SYNPR: variants seen among roughly 807,000 people sequenced by gnomAD.
SYNPR encodes the protein synaptoporin.
In SYNPR, 23 loss-of-function variants were observed where a neutral mutation model predicts 32.9. That is an observed-to-expected ratio of 0.70 (90% CI 0.50 to 0.99). SYNPR has a LOEUF of 0.99. Ranked by LOEUF, SYNPR falls within the 50% of genes least tolerant of loss-of-function variation. The pLI is 0.00. For missense variants in SYNPR, 318 were observed against 349.3 expected, an observed-to-expected ratio of 0.91 and a Z score of 0.71; for synonymous variants, 146 against 135.9, an observed-to-expected ratio of 1.07 and a Z score of -0.52.
intron 2 of SYNPR, among the ~76,000 whole-genome samples, chr3:63,267,121 A>G (rs1410275122): frequency 6.6e-6 from 1 of 152,200 alleles, no homozygotes; most frequent in East Asian, 1.9e-4. Context: ...ATGGAGCTCA[A>G]TGTGTGTCCC....
intron 2 of SYNPR, among the ~76,000 whole-genome samples, chr3:63,387,112 C>T (rs912446607): frequency 6.6e-5 from 10 of 152,216 alleles, no homozygotes; most frequent in African/African-American, 9.6e-5. Context: ...CTTCCACTGA[C>T]ATACAATGTT....
At chr3:63,227,481 C>T (rs561609810), upstream of SYNPR, among the ~76,000 whole-genome samples, 1 of 152,260 alleles carries the variant, frequency 6.6e-6, no homozygotes, top group South Asian at 2.1e-4. Flanking sequence ...AGAAACCAAA[C>T]TACGGTCACT....
At chr3:63,464,367 G>A (rs1345191808) in intron 2 of SYNPR, among the ~76,000 whole-genome samples, 1 of 152,084 alleles carries the variant, frequency 6.6e-6, no homozygotes, top group Admixed American at 6.6e-5. Context: ...CTTTCAACCA[G>A]GCAAGGAAAA....
At chr3:63,260,006 C>T (rs532753630) in intron 2 of SYNPR, among the ~76,000 whole-genome samples, 2 of 152,172 alleles carry the variant, frequency 1.3e-5, no homozygotes, top group Admixed American at 1.3e-4. Context: ...AGGAATCCAA[C>T]TTACAAGGGA....
chr3:63,433,961 A>G (rs967977808), intron 2 of SYNPR, among the ~76,000 whole-genome samples: 2 of 152,108 alleles, frequency 1.3e-5, no homozygotes, highest in Non-Finnish European at 2.9e-5. Context: ...CATCATCACC[A>G]CACACCTCCC....
chr3:63,253,848 C>T (rs1575576776), intron 2 of SYNPR, among the ~76,000 whole-genome samples: 1 of 152,264 alleles, frequency 6.6e-6, no homozygotes, highest in African/African-American at 2.4e-5. Context: ...AAACATGCTA[C>T]TGTAAAGACA....
At chr3:63,424,139 T>C (rs1025483772) in intron 2 of SYNPR, among the ~76,000 whole-genome samples, 1 of 152,212 alleles carries the variant, frequency 6.6e-6, no homozygotes, top group Non-Finnish European at 1.5e-5. Flanking sequence ...ATATCAATGT[T>C]AGTTCATTAA....
At chr3:63,588,314 G>A (rs1205336891) in intron 4 of SYNPR, among the ~76,000 whole-genome samples, 1 of 152,038 alleles carries the variant, frequency 6.6e-6, no homozygotes, top group Non-Finnish European at 1.5e-5. Context: ...TGAAGTTCAA[G>A]TCTGGTTGCT....
chr3:63,406,024 C>T (rs1354653422), intron 2 of SYNPR, among the ~76,000 whole-genome samples: 1 of 152,036 alleles, frequency 6.6e-6, no homozygotes, highest in Non-Finnish European at 1.5e-5. Flanking sequence ...GAGAGGACAT[C>T]GAGGATCAGA....
intron 2 of SYNPR, among the ~76,000 whole-genome samples, chr3:63,338,558 C>T (rs991865353): frequency 6.6e-6 from 1 of 152,144 alleles, no homozygotes; most frequent in Non-Finnish European, 1.5e-5. Flanking sequence ...TCCTTGCCAA[C>T]AGCTTGAAAT....
chr3:63,290,656 A>G (rs1003460552), intron 2 of SYNPR, among the ~76,000 whole-genome samples: 9 of 152,344 alleles, frequency 5.9e-5, no homozygotes, highest in African/African-American at 1.4e-4. Context: ...ATACAAACAA[A>G]AATATCTGTA....
intron 2 of SYNPR, among the ~76,000 whole-genome samples, chr3:63,293,263 C>G (rs557515293): frequency 3.9e-5 from 6 of 152,302 alleles, no homozygotes; most frequent in East Asian, 3.9e-4. Flanking sequence ...GACTTCTTGC[C>G]TTTCCCATGT....
chr3:63,604,259 C>T lies in SYNPR; in HGVS notation c.409-4866C>T, dbSNP rs111674955. On this transcript the variant is annotated intron_variant, in intron 4 of 5. Coordinates refer to ENST00000478300, the MANE Select transcript of SYNPR (RefSeq NM_001130003.2). ...TTTTGTTCTTTACAAGTCTAGCTAC[C>T]AGTCTATCTGTCTTATTAATTCTTT... Among the ~76,000 whole-genome samples, 4 of 152,196 alleles carry T rather than the reference C, an allele frequency of 2.6e-5. 2 individuals carry two copies. The highest frequency in any genetic ancestry group is 9.6e-5 in the African/African-American group (4 of 41,528).
chr3:63,265,266 T>TTTTTTTTTTTTTTC (rs1708336851), intron 2 of SYNPR, among the ~76,000 whole-genome samples: 1 of 112,206 alleles, frequency 8.9e-6, no homozygotes, highest in African/African-American at 3.2e-5. Flanking sequence ...TTTTTTTTTT[T>TTTTTTTTTTTTTTC]TCTGAGATGG....
chr3:63,480,157 C>T (rs997192383), intron 2 of SYNPR, among the ~76,000 whole-genome samples: 3 of 152,066 alleles, frequency 2.0e-5, no homozygotes, highest in African/African-American at 7.2e-5. Flanking sequence ...GCCTGGTTCC[C>T]CACAGATTCA....
At chr3:63,550,513 C>T (rs1702481585) in intron 3 of SYNPR, among the ~76,000 whole-genome samples, 2 of 151,896 alleles carry the variant, frequency 1.3e-5, no homozygotes, top group African/African-American at 4.8e-5. Flanking sequence ...TACAGATAAG[C>T]ACAATTAACA....
intron 2 of SYNPR, among the ~76,000 whole-genome samples, chr3:63,415,170 A>G (rs1001202613): frequency 2.4e-4 from 37 of 152,226 alleles, no homozygotes; most frequent in South Asian, 2.1e-4. Flanking sequence ...TTCTTTATGC[A>G]TATCGTATCT....
chr3:63,602,330 C>T (rs1291413390), intron 4 of SYNPR, among the ~76,000 whole-genome samples: 7 of 91,032 alleles, frequency 7.7e-5, no homozygotes, highest in African/African-American at 3.2e-4. Context: ...CTTCTGCTGT[C>T]CAAAAAAAGC....
intron 1 of SYNPR, among the ~76,000 whole-genome samples, chr3:63,235,600 A>C (rs1212764764): frequency 6.6e-6 from 1 of 152,176 alleles, no homozygotes; most frequent in African/African-American, 2.4e-5. Context: ...CAAGGCCCTA[A>C]GTCTTTGAAC....
Sources: gnomAD v4.1 joint callset for allele counts (sites outside exome capture counted in the v4.1 genomes callset) on GRCh38, gnomAD v4.1.1 for gene constraint, MANE v1.5 for transcripts, NCBI Gene and HGNC (gene_info 2026-07-23, HGNC 2026-07-21) for gene names.